AMZ1: variants seen among roughly 807,000 people sequenced by gnomAD.
The protein encoded by AMZ1 is archaelysin family metallopeptidase 1.
In AMZ1, 39 loss-of-function variants were observed where a neutral mutation model predicts 29.9. That is an observed-to-expected ratio of 1.30 (90% CI 1.01 to 1.70). The LOEUF (loss-of-function observed/expected upper bound fraction) is 1.70, where lower values mean the gene tolerates loss of function less well. Among genes scored for constraint, AMZ1 ranks in the 40% most tolerant of loss-of-function variants. The pLI, the probability that AMZ1 is intolerant of heterozygous loss-of-function variation, is 0.00. For missense variants in AMZ1, 1,041 were observed against 680.6 expected, an observed-to-expected ratio of 1.53 and a Z score of -5.89; for synonymous variants, 458 against 304.0, an observed-to-expected ratio of 1.51 and a Z score of -5.27.
rs1789058775 is a variant in AMZ1 at position 2,715,331 on chromosome 7, G to T, written c.*2453G>T. ...ACTCGGCGTTCACTGTGGGGATTTG[G>T]CTGGTGCACCTGCGAGGTGGCCTGA... On this transcript the variant is annotated 3_prime_UTR_variant, in exon 7 of 7. Coordinates refer to ENST00000683327, the MANE Select transcript of AMZ1 (RefSeq NM_001384743.1). 1 of 152,362 alleles carries T rather than the reference G, an allele frequency of 6.6e-6. No individual in the cohort carries two copies. Among genetic ancestry groups the T allele is most frequent in the Admixed American group, 6.5e-5 (1 of 15,280 alleles). The allele number at this position is 152,362 out of a possible 1,614,324, so 9.4% of individuals were successfully genotyped here. A position where few individuals can be genotyped will look rare whatever the true frequency, so the allele number is the denominator to read the frequency against.
chr7:2,728,721 A>ACG (rs1554253627), intron 4 of AMZ1: 1 of 152,420 alleles, frequency 6.6e-6, no homozygotes, highest in Non-Finnish European at 1.5e-5. Flanking sequence ...ACTAGAGTCT[A>ACG]TGTGTAGCCA....
chr7:2,731,856 G>T lies in AMZ1; in HGVS notation n.550+22040G>T, dbSNP rs1052830518. ...ATAAGAAGGAAAGAGACTGACTTTT[G>T]CAACAGGTTGAACCAGAAACCAAAA... is the stretch of plus-strand genomic sequence containing the variant. On this transcript the variant is annotated intron_variant and non_coding_transcript_variant, in intron 4 of 4. Coordinates refer to the AMZ1 transcript ENST00000489665. The surrounding 1 kb of genome is among the most constrained non-coding windows in gnomAD (Gnocchi z 6.0). The T allele has an allele frequency of 9.9e-6, 6 of 604,836 alleles. No individual in the cohort carries two copies. The highest frequency in any genetic ancestry group is 1.6e-5 in the Non-Finnish European group (6 of 368,876). 37.5% of individuals were successfully genotyped at this position (604,836 alleles called of 1,614,324 possible).
rs1399091888 is a variant in AMZ1, at chr7:2,702,846, C to A, written c.429C>A (p.Ser143=). The part of the protein sequence containing the change: ...PSVAAASIRC[S]SRPSRDSDRL... The stretch of plus-strand genomic sequence containing the variant: ...TGGCAGCCGCGTCCATCCGCTGCTC[C>A]TCGCGGCCCAGCCGGGACTCTGACA... The change falls in exon 3 of 7, where the codon TCC becomes TCA. Residue 143 remains serine, a synonymous_variant. Coordinates refer to ENST00000683327, the MANE Select transcript of AMZ1 (RefSeq NM_001384743.1). The A allele has an allele frequency of 6.3e-7, 1 of 1,582,472 alleles. No homozygotes were observed. Among genetic ancestry groups the A allele is most frequent in the African/African-American group, 1.3e-5 (1 of 74,482 alleles).
chr7:2,718,148 C>T lies in AMZ1; in HGVS notation c.*5270C>T, dbSNP rs1053670784. 1.3e-5 allele frequency among the ~76,000 whole-genome samples: 2 copies of T among 152,210 alleles called. No homozygotes were observed. The highest frequency in any genetic ancestry group is 2.9e-5 in the Non-Finnish European group (2 of 68,036). Reference sequence around the variant, plus strand: ...CTGAGGCCTCCCTCGATGCCTGCTCCCTGGGCTTTTTAATGAACGCACTTC... The same window carrying T: ...CTGAGGCCTCCCTCGATGCCTGCTCTCTGGGCTTTTTAATGAACGCACTTC... On this transcript the variant is annotated 3_prime_UTR_variant, in exon 7 of 7. Transcript: ENST00000683327.
intron 4 of AMZ1, among the ~76,000 whole-genome samples, chr7:2,744,018 C>G (rs530969612): frequency 6.6e-6 from 1 of 152,208 alleles, no homozygotes; most frequent in Non-Finnish European, 1.5e-5. Flanking sequence ...ACAAAGCAGC[C>G]GGGAAGCTCA....
intron 3 of AMZ1, among the ~76,000 whole-genome samples, chr7:2,704,045 T>C (rs935573673): frequency 5.3e-5 from 8 of 152,334 alleles, no homozygotes; most frequent in East Asian, 1.9e-4. Context: ...GCTGCCACCA[T>C]GCCCAGCTAA....
At chr7:2,700,064 A>C (rs1041269287) in intron 1 of AMZ1, among the ~76,000 whole-genome samples, 170 bp from the exon 2 acceptor site, 4 of 150,470 alleles carry the variant, frequency 2.7e-5, no homozygotes, top group Non-Finnish European at 4.4e-5. Context: ...TGTCCTTCCA[A>C]CCTCGCTGGG....
Position 2,704,588 on chromosome 7 carries a change from C to CTTTTTTT in AMZ1, c.472+1719_472+1725dup, listed in dbSNP as rs60811216. ...TCTTTTTGAAATTAGCAGTGTCACGCTTTTTTTTTTTTTTTTTTTTTTTTT... is the reference window on the plus strand; with the variant it reads ...TCTTTTTGAAATTAGCAGTGTCACGCTTTTTTTTTTTTTTTTTTTTTTTTTTTTTTTT... On this transcript the variant is annotated intron_variant, in intron 3 of 6. Coordinates refer to ENST00000683327, the MANE Select transcript of AMZ1 (RefSeq NM_001384743.1). 2.4e-5 allele frequency among the ~76,000 whole-genome samples: 2 copies of CTTTTTTT among 83,868 alleles called. 1 individual carries two copies. Among genetic ancestry groups the CTTTTTTT allele is most frequent in the African/African-American group, 1.5e-4 (2 of 13,386 alleles). 55.0% of individuals were successfully genotyped at this position (83,868 alleles called of 152,430 possible).
At chr7:2,748,325 G>C (rs1790867097) in intron 4 of AMZ1, among the ~76,000 whole-genome samples, 1 of 152,132 alleles carries the variant, frequency 6.6e-6, no homozygotes, top group African/African-American at 2.4e-5. Context: ...TAGACCAATG[G>C]AACAGAACAG....
At chr7:2,696,575 C>A (rs1583152949) in intron 1 of AMZ1, among the ~76,000 whole-genome samples, 1 of 151,200 alleles carries the variant, frequency 6.6e-6, no homozygotes, top group East Asian at 2.0e-4. Context: ...TTTTTATCTG[C>A]TGCTGATGAC....
Position 2,709,834 on chromosome 7 carries a change from G to C in AMZ1, c.948+18G>C. 6.2e-7 allele frequency: 1 copy of C among 1,609,384 alleles called. No homozygotes were observed. Among genetic ancestry groups the C allele is most frequent in the Non-Finnish European group, 8.5e-7 (1 of 1,178,778 alleles). On this transcript the variant is annotated intron_variant, in intron 6 of 6. Transcript: ENST00000683327. ...GGTACCAGGTGAGTGGCTGAGTTGC[G>C]CTGCCCGGCTGCTGGGACCTGCGCT...
At chr7:2,709,438 T>TGGCCTCCCCGG (rs61164812) in intron 5 of AMZ1, among the ~76,000 whole-genome samples, 194 bp downstream of exon 5, 1 of 151,722 alleles carries the variant, frequency 6.6e-6, no homozygotes, top group East Asian at 1.9e-4. Context: ...CTATCCTGTG[T>TGGCCTCCCCGG]GGCCTCCCAC....
At chr7:2,702,152 G>A (rs1242367355) in intron 2 of AMZ1, 1 of 153,182 alleles carries the variant, frequency 6.5e-6, no homozygotes, top group Non-Finnish European at 1.5e-5. Flanking sequence ...GTGATCTGGT[G>A]TGTGCATCCC....
At chr7:2,689,532 A>T (rs1296896758) in intron 1 of AMZ1, among the ~76,000 whole-genome samples, 1 of 152,200 alleles carries the variant, frequency 6.6e-6, no homozygotes, top group African/African-American at 2.4e-5. Flanking sequence ...CCCCGTCAGA[A>T]CATCCCTGCT....
Position 2,713,266 on chromosome 7 carries a change from G to A in AMZ1, c.*388G>A. ...AGAAAAAAAAAAGTTCTTTGGAGAA[G>A]CCACAGACCACCTGTCTTCAGGCGC... On this transcript the variant is annotated 3_prime_UTR_variant, in exon 7 of 7. Coordinates refer to ENST00000683327, the MANE Select transcript of AMZ1 (RefSeq NM_001384743.1). The A allele has an allele frequency of 6.3e-6, 1 of 157,618 alleles. No individual in the cohort carries two copies. The highest frequency in any genetic ancestry group is 1.4e-5 in the Non-Finnish European group (1 of 71,730). The allele number at this position is 157,618 out of a possible 1,614,324, so 9.8% of individuals were successfully genotyped here. A position where few individuals can be genotyped will look rare whatever the true frequency, so the allele number is the denominator to read the frequency against.
chr7:2,741,926 G>A (rs572183752), intron 4 of AMZ1, among the ~76,000 whole-genome samples: 1 of 151,696 alleles, frequency 6.6e-6, no homozygotes, highest in Non-Finnish European at 1.5e-5. Context: ...AGCATTATAA[G>A]ACCATTTCCC....
rs1454839680 is a variant in AMZ1 at position 2,717,192 on chromosome 7, C to G, written c.*4314C>G. Among the ~76,000 whole-genome samples, 1 of 152,174 alleles carries G rather than the reference C, an allele frequency of 6.6e-6. No individual in the cohort carries two copies. Among genetic ancestry groups the G allele is most frequent in the Non-Finnish European group, 1.5e-5 (1 of 68,034 alleles). On this transcript the variant is annotated 3_prime_UTR_variant, in exon 7 of 7. Transcript: ENST00000683327. ...CTTAGGTGAGGTGCCAACGAAAACACCCCCGTGATTGCTGGGGCTTCACTG... is the reference window on the plus strand; with the variant it reads ...CTTAGGTGAGGTGCCAACGAAAACAGCCCCGTGATTGCTGGGGCTTCACTG...
chr7:2,736,679 T>C (rs1055496757), intron 4 of AMZ1, among the ~76,000 whole-genome samples: 1 of 152,226 alleles, frequency 6.6e-6, no homozygotes, highest in Non-Finnish European at 1.5e-5. Context: ...TGCAGAGGCC[T>C]GCAGCCTTCA....
chr7:2,725,020 A>G (rs919600520), intron 4 of AMZ1, among the ~76,000 whole-genome samples: 1 of 152,108 alleles, frequency 6.6e-6, no homozygotes, highest in African/African-American at 2.4e-5. Flanking sequence ...CCCTCACCGC[A>G]CACAAACACT....
Sources: gnomAD v4.1 joint callset for allele counts (sites outside exome capture counted in the v4.1 genomes callset) on GRCh38, gnomAD v4.1.1 for gene constraint, Gnocchi (gnomAD v3.1) non-coding constraint, MANE v1.5 for transcripts, NCBI Gene and HGNC (gene_info 2026-07-23, HGNC 2026-07-21) for gene names.